Variants in CDH23 observed in about 807,000 individuals in gnomAD.
CDH23 encodes the protein cadherin related 23.
Under a neutral mutation model 317.1 loss-of-function variants are expected in CDH23, and 189 were observed. The ratio of observed to expected loss-of-function variants is 0.60; its 90% CI spans 0.53 to 0.67. The LOEUF (loss-of-function observed/expected upper bound fraction) is 0.67, where lower values mean the gene tolerates loss of function less well. Ranked by LOEUF, CDH23 falls within the 30% of genes least tolerant of loss-of-function variation. The pLI is 0.00. For synonymous variants in CDH23, 1,839 were observed against 1,876.8 expected, an observed-to-expected ratio of 0.98 and a Z score of 0.52; for missense variants, 4,401 against 4,592.4, an observed-to-expected ratio of 0.96 and a Z score of 1.20.
chr10:71,402,039 T>G (rs1847804504), intron 1 of CDH23, among the ~76,000 whole-genome samples: 1 of 152,160 alleles, frequency 6.6e-6, no homozygotes, highest in South Asian at 2.1e-4. Flanking sequence ...TGGAGACAGT[T>G]TTCTAGTCTT....
intron 48 of CDH23, among the ~76,000 whole-genome samples, chr10:71,795,346 G>A (rs1345149050): frequency 1.3e-5 from 2 of 152,108 alleles, no homozygotes; most frequent in Non-Finnish European, 2.9e-5. Context: ...ATGAGCACTA[G>A]GAGAAGTTAG....
chr10:71,700,350 G>A (rs972463211), intron 22 of CDH23, among the ~76,000 whole-genome samples: 1 of 152,148 alleles, frequency 6.6e-6, no homozygotes, highest in African/African-American at 2.4e-5. Flanking sequence ...TTGCACCACT[G>A]CACTCCAGCC....
At chr10:71,790,871 A>G in intron 46 of CDH23, 2 of 555,040 alleles carry the variant, frequency 3.6e-6, no homozygotes, top group East Asian at 3.0e-5. Context: ...GCCCTGGGTC[A>G]CTCTTCCCAG....
intron 20 of CDH23, among the ~76,000 whole-genome samples, chr10:71,690,990 T>C (rs1865166206): frequency 6.6e-6 from 1 of 152,154 alleles, no homozygotes; most frequent in African/African-American, 2.4e-5. Context: ...ACCTGTAAAA[T>C]GAGGAAGATC....
intron 32 of CDH23, chr10:71,732,593 A>G: frequency 1.5e-6 from 2 of 1,357,914 alleles, no homozygotes; most frequent in Non-Finnish European, 9.7e-7. Context: ...CGTTTGCACC[A>G]CTGCACTCCA....
chr10:71,541,671 CA>C (rs1191891178), intron 6 of CDH23, among the ~76,000 whole-genome samples: 8 of 152,210 alleles, frequency 5.3e-5, no homozygotes, highest in African/African-American at 1.9e-4. Flanking sequence ...AGGCTTAGTT[CA>C]GTCTTACATC....
At chr10:71,416,226 T>C (rs1848527313) in intron 1 of CDH23, among the ~76,000 whole-genome samples, 1 of 152,194 alleles carries the variant, frequency 6.6e-6, no homozygotes, top group Non-Finnish European at 1.5e-5. Flanking sequence ...GGTTTTACCA[T>C]GTTGGCCAGG....
At chr10:71,669,324 C>G (rs1864044658) in intron 14 of CDH23, among the ~76,000 whole-genome samples, 1 of 152,228 alleles carries the variant, frequency 6.6e-6, no homozygotes, top group Non-Finnish European at 1.5e-5. Context: ...ATGAATCTTT[C>G]TAAGCCAGCA....
At chr10:71,660,562 C>T (rs1468745085) in intron 14 of CDH23, among the ~76,000 whole-genome samples, 5 of 152,178 alleles carry the variant, frequency 3.3e-5, no homozygotes, top group African/African-American at 1.2e-4. Context: ...TTAAGGATAC[C>T]TCCTGGAAGT....
chr10:71,561,252 A>T (rs1200041879), intron 6 of CDH23, among the ~76,000 whole-genome samples: 1 of 149,404 alleles, frequency 6.7e-6, no homozygotes, highest in Non-Finnish European at 1.5e-5. Context: ...TGCCCCTCTC[A>T]CTGTTCTCAC....
chr10:71,432,515 T>C (rs1322891661), intron 1 of CDH23, among the ~76,000 whole-genome samples: 1 of 150,622 alleles, frequency 6.6e-6, no homozygotes, highest in East Asian at 2.0e-4. Flanking sequence ...TGGGTGAGTG[T>C]GAGTGTGTGG....
In CDH23 at chr10:71,450,423, TC is replaced by T. The variant is rs1223142127; in HGVS notation, c.145+4031del. ...TGGGATTACAGGCACACGCCACCAC[TC>T]CCAGCTAATTTTTTTATGTTTTTAG... On this transcript the variant is annotated intron_variant, in intron 3 of 69. Transcript: ENST00000224721. Among the ~76,000 whole-genome samples, 5 of 151,896 alleles carry T rather than the reference TC, an allele frequency of 3.3e-5. No homozygotes were observed. In the South Asian group the frequency reaches 1.0e-3, roughly 32 times the overall value.
Position 71,695,458 on chromosome 10 carries a change from C to T in CDH23, c.2330C>T (p.Thr777Met), listed in dbSNP as rs199709482. ...CTGGACATCAATGACAACCACCCCA[C>T]GTGGAAGGACGCACCCTACTACATC... ...TLLDINDNHP[T>M]WKDAPYYINL... The change falls in exon 22 of 70, where the codon ACG becomes ATG. Residue 777 changes from threonine to methionine, a missense_variant. Thr to Met is a moderately conservative substitution (Grantham distance 81). Transcript: ENST00000224721. The T allele has an allele frequency of 4.3e-6, 7 of 1,613,478 alleles. No individual in the cohort carries two copies. Among genetic ancestry groups the T allele is most frequent in the African/African-American group, 4.0e-5 (3 of 74,928 alleles).
intron 6 of CDH23, among the ~76,000 whole-genome samples, chr10:71,563,126 G>T (rs575238705): frequency 2.0e-5 from 3 of 152,202 alleles, no homozygotes; most frequent in African/African-American, 2.4e-5. Context: ...AGAGCACTCC[G>T]TATGAGTCAA....
At chr10:71,534,298 C>A (rs1212794906) in intron 6 of CDH23, among the ~76,000 whole-genome samples, 1 of 152,124 alleles carries the variant, frequency 6.6e-6, no homozygotes, top group Non-Finnish European at 1.5e-5. Context: ...TCAACTCCAC[C>A]ACAGAGCACC....
At chr10:71,402,766 C>T (rs553404917) in intron 1 of CDH23, among the ~76,000 whole-genome samples, 1 of 151,608 alleles carries the variant, frequency 6.6e-6, no homozygotes, top group Non-Finnish European at 1.5e-5. Context: ...CGCGCACATG[C>T]GCGTTGGATG....
At chr10:71,427,214 A>AAAGG (rs1849128952) in intron 1 of CDH23, among the ~76,000 whole-genome samples, 1 of 72,772 alleles carries the variant, frequency 1.4e-5, no homozygotes, top group African/African-American at 5.9e-5. Flanking sequence ...AGAAAGAAAG[A>AAAGG]AAGAAAGAAA....
At chr10:71,430,583 C>A (rs1162774218) in intron 1 of CDH23, among the ~76,000 whole-genome samples, 2 of 152,076 alleles carry the variant, frequency 1.3e-5, no homozygotes, top group African/African-American at 2.4e-5. Flanking sequence ...CCGAGGTGGG[C>A]GGATCATTTG....
intron 8 of CDH23, among the ~76,000 whole-genome samples, chr10:71,576,215 C>T (rs2132394625): frequency 6.6e-6 from 1 of 152,330 alleles, no homozygotes; most frequent in Middle Eastern, 3.4e-3. Context: ...CCAGGCCTGG[C>T]CTAGCCCTGC....
Sources: gnomAD v4.1 joint callset for allele counts (sites outside exome capture counted in the v4.1 genomes callset) on GRCh38, gnomAD v4.1.1 for gene constraint, MANE v1.5 for transcripts, NCBI Gene and HGNC (gene_info 2026-07-23, HGNC 2026-07-21) for gene names.